MYH15: variants seen among roughly 807,000 people sequenced by gnomAD.
The protein encoded by MYH15 is myosin heavy chain 15, also known as myosin-15.
A neutral mutation model predicts 240.5 loss-of-function variants in MYH15; 227 were observed. That is an observed-to-expected ratio of 0.94 (90% CI 0.85 to 1.05). The LOEUF is 1.05. Among genes scored for constraint, MYH15 ranks in the 50% least tolerant of loss-of-function variants. MYH15 has a pLI of 0.00. For missense variants in MYH15, 2,217 were observed against 2,247.5 expected, an observed-to-expected ratio of 0.99 and a Z score of 0.27; for synonymous variants, 785 against 796.7, an observed-to-expected ratio of 0.99 and a Z score of 0.25.
the MYH15 span, among the ~76,000 whole-genome samples, chr3:108,540,843 A>G: frequency 6.6e-6 from 1 of 152,220 alleles, no homozygotes; most frequent in South Asian, 2.1e-4. Context: ...CAGATGACAG[A>G]ACGGGTTTAT....
intron 1 of MYH15, among the ~76,000 whole-genome samples, chr3:108,525,468 C>T (rs1576283259): frequency 6.6e-6 from 1 of 152,066 alleles, no homozygotes; most frequent in East Asian, 1.9e-4. Context: ...CAGCACATTG[C>T]ATTGCTCAGT....
chr3:108,475,805 C>T (rs1168238907), intron 12 of MYH15, among the ~76,000 whole-genome samples: 1 of 152,154 alleles, frequency 6.6e-6, no homozygotes, highest in African/African-American at 2.4e-5. Context: ...GGTCTCATTA[C>T]CCAGTGGCCC....
intron 21 of MYH15, 123 bp from the exon 22 acceptor site, chr3:108,445,018 A>G: frequency 9.0e-7 from 1 of 1,114,074 alleles, no homozygotes; most frequent in African/African-American, 1.6e-5. Flanking sequence ...TTAGTCTTCA[A>G]AGCACTTTTA....
chr3:108,395,001 C>A (rs1196684109), intron 35 of MYH15, among the ~76,000 whole-genome samples: 1 of 152,126 alleles, frequency 6.6e-6, no homozygotes, highest in Non-Finnish European at 1.5e-5. Context: ...TGTGGTGGCC[C>A]ATGCCTGTAA....
chr3:108,496,178 C>T (rs1034429975), intron 6 of MYH15, among the ~76,000 whole-genome samples: 1 of 152,144 alleles, frequency 6.6e-6, no homozygotes, highest in East Asian at 1.9e-4. Flanking sequence ...GAAAAACATA[C>T]CAAAGCTTAT....
chr3:108,550,929 T>C, the MYH15 span: 6 of 297,448 alleles, frequency 2.0e-5, no homozygotes, highest in Non-Finnish European at 3.1e-5. Context: ...AAGAAAACCT[T>C]AAGCCATAAA....
At chr3:108,481,392 T>C (rs1363995803) in intron 11 of MYH15, among the ~76,000 whole-genome samples, 1 of 152,206 alleles carries the variant, frequency 6.6e-6, no homozygotes, top group Admixed American at 6.5e-5. Flanking sequence ...ATGAGGTCCC[T>C]GCTCTTACAA....
At chr3:108,409,664 C>G (rs1370719846) in intron 31 of MYH15, among the ~76,000 whole-genome samples, 1 of 152,198 alleles carries the variant, frequency 6.6e-6, no homozygotes, top group African/African-American at 2.4e-5. Flanking sequence ...GGTTTTCATG[C>G]ACATTGCTGT....
At chr3:108,492,768 G>A (rs749326308) in intron 8 of MYH15, among the ~76,000 whole-genome samples, 173 bp from the exon 9 acceptor site, 21 of 152,240 alleles carry the variant, frequency 1.4e-4, no homozygotes, top group Non-Finnish European at 2.5e-4. Flanking sequence ...GCAACATAGT[G>A]AGACCCCATT....
At chr3:108,406,365 C>A (rs1398233755) in intron 32 of MYH15, among the ~76,000 whole-genome samples, 2 of 152,066 alleles carry the variant, frequency 1.3e-5, no homozygotes, top group African/African-American at 4.8e-5. Flanking sequence ...AACTGAGTTG[C>A]AATTTTAAAA....
At chr3:108,457,851 T>G (rs2083036483) in intron 18 of MYH15, among the ~76,000 whole-genome samples, 2 of 152,072 alleles carry the variant, frequency 1.3e-5, no homozygotes, top group South Asian at 4.1e-4. Context: ...CTGACCAACT[T>G]GGTGAAACCC....
chr3:108,467,968 CTT>C (rs371855484), intron 14 of MYH15, among the ~76,000 whole-genome samples: 23 of 143,216 alleles, frequency 1.6e-4, no homozygotes, highest in African/African-American at 2.8e-4. Flanking sequence ...TTGATATAAA[CTT>C]TTTTTTTTTT....
chr3:108,513,044 T>A (rs531462158), upstream of MYH15, among the ~76,000 whole-genome samples: 34 of 152,282 alleles, frequency 2.2e-4, no homozygotes, highest in South Asian at 7.0e-3. Context: ...GTTGCACATA[T>A]GGCTTTACAA....
chr3:108,430,334 C>A (rs2082768534), intron 26 of MYH15, among the ~76,000 whole-genome samples: 1 of 152,176 alleles, frequency 6.6e-6, no homozygotes, highest in Non-Finnish European at 1.5e-5. Flanking sequence ...CTCACATGGT[C>A]TAAAACTTAT....
Position 108,505,778 on chromosome 3 carries a change from T to C in MYH15, c.140A>G (p.Glu47Gly), listed in dbSNP as rs1277790387. 1.2e-6 allele frequency: 2 copies of C among 1,612,260 alleles called. No homozygotes were observed. Among genetic ancestry groups the C allele is most frequent in the African/African-American group, 2.7e-5 (2 of 74,390 alleles). Residue 47 changes from glutamate (E) to glycine (G), a missense_variant, in exon 2 of 41, where the codon GAG becomes GGG. Glu to Gly is a moderately conservative substitution (Grantham distance 98). Coordinates refer to ENST00000693548, the MANE Select transcript of MYH15 (RefSeq NM_014981.3). ...TCCATCATCTTCACTCCCTTTTACCTCAGCCTCGATATAAGCATTCTCACC... is the reference window on the plus strand; with the variant it reads ...TCCATCATCTTCACTCCCTTTTACCCCAGCCTCGATATAAGCATTCTCACC... ...PDGENAYIEA[E>G]VKGSEDDGTV...
intron 9 of MYH15, 41 bp from the exon 10 acceptor site, chr3:108,486,567 C>T: frequency 7.4e-7 from 1 of 1,349,540 alleles, no homozygotes; most frequent in Non-Finnish European, 1.1e-6. Context: ...TTAAAGAAAT[C>T]TGCAAGGCCT....
chr3:108,506,374 A>G (rs1162060768), intron 1 of MYH15, among the ~76,000 whole-genome samples: 2 of 152,194 alleles, frequency 1.3e-5, no homozygotes, highest in East Asian at 1.9e-4. Context: ...TTTGTTAAAC[A>G]ACATAACCGG....
intron 25 of MYH15, among the ~76,000 whole-genome samples, chr3:108,434,152 G>A (rs1311898812): frequency 7.4e-5 from 4 of 54,264 alleles, no homozygotes; most frequent in African/African-American, 1.6e-4. Flanking sequence ...AAATATTGTT[G>A]TATTTAATAT....
intron 21 of MYH15, among the ~76,000 whole-genome samples, chr3:108,450,961 T>C (rs1322318356): frequency 3.9e-5 from 6 of 152,126 alleles, no homozygotes; most frequent in African/African-American, 1.4e-4. Context: ...TAAATAAAGA[T>C]GTGGCATGAA....
Sources: gnomAD v4.1 joint callset for allele counts (sites outside exome capture counted in the v4.1 genomes callset) on GRCh38, gnomAD v4.1.1 for gene constraint, MANE v1.5 for transcripts, NCBI Gene and HGNC (gene_info 2026-07-23, HGNC 2026-07-21) for gene names.